Variants in ESD observed in about 807,000 individuals in gnomAD.
ESD encodes S-formylglutathione hydrolase.
A neutral mutation model predicts 38.1 loss-of-function variants in ESD; 34 were observed. That is an observed-to-expected ratio of 0.89 (90% CI 0.68 to 1.19). The LOEUF (loss-of-function observed/expected upper bound fraction) is 1.19. Ranked by LOEUF, ESD falls within the 50% of genes most tolerant of loss-of-function variation. The probability of loss-of-function intolerance (pLI) is 0.00; values close to 1 mark genes in which losing one functional copy is unlikely to be tolerated. For synonymous variants in ESD, 97 were observed against 107.0 expected (o/e 0.91, Z 0.58); for missense variants, 334 against 327.2 (o/e 1.02, Z -0.16).
chr13:46,780,817 T>G (rs527380405), intron 7 of ESD, among the ~76,000 whole-genome samples: 2 of 151,802 alleles, frequency 1.3e-5, no homozygotes, highest in South Asian at 4.1e-4. Context: ...AATAATCAAG[T>G]TCTTCCTAAG....
chr13:46,793,512 A>T (rs956426641), intron 1 of ESD, 68 bp from the exon 2 acceptor site: 14 of 152,584 alleles, frequency 9.2e-5, no homozygotes, highest in Non-Finnish European at 1.3e-4. Flanking sequence ...CAGAGCTTTT[A>T]TATGCATATG....
intron 7 of ESD, 135 bp from the exon 8 acceptor site, chr13:46,780,168 G>A: frequency 1.8e-6 from 1 of 551,028 alleles, no homozygotes; most frequent in Non-Finnish European, 3.1e-6. Flanking sequence ...TGAAAACCCT[G>A]TGAACAATTT....
Position 46,782,676 on chromosome 13 carries a change from G to A in ESD, c.372C>T (p.Val124=), listed in dbSNP as rs373644672. The change falls in exon 6 of 10, where the codon GTC becomes GTT. Residue 124 remains valine, a synonymous_variant. Transcript: ENST00000378720. The part of the protein sequence containing the change: ...WKTNYRMYSY[V]TEELPQLINA... Reference sequence around the variant, plus strand: ...ATACAAATTAAATTACCTCCTCTGTGACATAAGAGTACATTCTGTAGTTGG... The same window carrying A: ...ATACAAATTAAATTACCTCCTCTGTAACATAAGAGTACATTCTGTAGTTGG... 6.2e-7 allele frequency: 1 copy of A among 1,611,562 alleles called. No homozygotes were observed. The highest frequency in any genetic ancestry group is 1.3e-5 in the African/African-American group (1 of 74,706).
At chr13:46,780,079 T>C in intron 7 of ESD, 46 bp from the exon 8 acceptor site, 1 of 1,323,770 alleles carries the variant, frequency 7.6e-7, no homozygotes, top group South Asian at 1.3e-5. Flanking sequence ...TTTTGCTAAA[T>C]TAAATATGAA....
intron 8 of ESD, among the ~76,000 whole-genome samples, chr13:46,779,636 GA>G (rs1054339269): frequency 7.5e-5 from 11 of 147,116 alleles, no homozygotes; most frequent in Middle Eastern, 3.5e-3. Flanking sequence ...ACCATTAGTA[GA>G]AAAAAAATAT....
intron 6 of ESD, among the ~76,000 whole-genome samples, chr13:46,781,888 G>A (rs1392182488): frequency 6.6e-6 from 1 of 151,696 alleles, no homozygotes; most frequent in Non-Finnish European, 1.5e-5. Flanking sequence ...TTTTGACCTA[G>A]TAATTTCACT....
intron 3 of ESD, among the ~76,000 whole-genome samples, chr13:46,789,279 A>C (rs1283328830): frequency 6.6e-6 from 1 of 152,166 alleles, no homozygotes; most frequent in African/African-American, 2.4e-5. Flanking sequence ...TGGGAAATAC[A>C]CTTTGAGACC....
intron 6 of ESD, among the ~76,000 whole-genome samples, chr13:46,782,039 T>C (rs890628923): frequency 2.0e-5 from 3 of 151,778 alleles, no homozygotes; most frequent in Non-Finnish European, 4.4e-5. Flanking sequence ...TTATGGCATA[T>C]GACAGAATAT....
chr13:46,785,953 CTG>C (rs1224028970), intron 4 of ESD, among the ~76,000 whole-genome samples: 2 of 152,094 alleles, frequency 1.3e-5, no homozygotes, highest in East Asian at 3.9e-4. Flanking sequence ...CAGCTCTGGA[CTG>C]TGAGTCAGAA....
chr13:46,791,137 T>C (rs1256348914), intron 3 of ESD, among the ~76,000 whole-genome samples: 1 of 152,176 alleles, frequency 6.6e-6, no homozygotes, highest in African/African-American at 2.4e-5. Flanking sequence ...AGCTTGAAGA[T>C]ACTTCTCTGT....
In ESD at chr13:46,772,690, T is replaced by C. The variant is rs369761823; in HGVS notation, c.769-1194A>G. Among the ~76,000 whole-genome samples, 4 of 152,142 alleles carry C rather than the reference T, an allele frequency of 2.6e-5. No homozygotes were observed. The South Asian group carries it at 8.3e-4, about 32-fold the overall frequency. ...TGCTTATAAGTGAGAGCATGTGGTG[T>C]TTGGTCTTTTTTTTTTTTGAGACGG... On this transcript the variant is annotated intron_variant, in intron 9 of 9. Coordinates refer to ENST00000378720, the MANE Select transcript of ESD (RefSeq NM_001984.2).
intron 4 of ESD, 87 bp from the exon 5 acceptor site, chr13:46,784,437 C>T (rs927568260): frequency 3.1e-5 from 28 of 904,098 alleles, no homozygotes; most frequent in South Asian, 4.6e-5. Context: ...CAGGGGGAGA[C>T]GGAGACGGAC....
intron 3 of ESD, among the ~76,000 whole-genome samples, chr13:46,788,963 A>G (rs1440484475): frequency 2.0e-5 from 3 of 152,136 alleles, no homozygotes; most frequent in African/African-American, 7.2e-5. Context: ...TATTAATAAA[A>G]ATGTTCTATC....
intron 4 of ESD, among the ~76,000 whole-genome samples, chr13:46,785,367 G>A (rs1456266331): frequency 6.6e-6 from 1 of 151,984 alleles, no homozygotes; most frequent in Admixed American, 6.6e-5. Context: ...GAACATTCAT[G>A]TGCAAGTTTC....
chr13:46,772,378 A>G (rs1007576305), intron 9 of ESD, among the ~76,000 whole-genome samples: 8 of 152,180 alleles, frequency 5.3e-5, no homozygotes, highest in Non-Finnish European at 8.8e-5. Flanking sequence ...GAATATAAAA[A>G]ATAGTCTTCC....
chr13:46,785,682 G>T (rs1875168807), intron 4 of ESD: 1 of 151,832 alleles, frequency 6.6e-6, no homozygotes, highest in African/African-American at 2.4e-5. Context: ...AATTTCCAAG[G>T]TCTATCTGTT....
In ESD at chr13:46,782,783, T is replaced by C; in HGVS notation, c.265A>G (p.Asn89Asp). 1 of 1,612,012 alleles carries C rather than the reference T, an allele frequency of 6.2e-7. No individual in the cohort carries two copies. Among genetic ancestry groups the C allele is most frequent in the African/African-American group, 1.3e-5 (1 of 74,896 alleles). The part of the protein sequence containing the change: ...IAPDTSPRGC[N>D]IKGEDESWDF... ...CAGCTCTCATCTTCACCTTTAATAT[T>C]GCAGCCACCTATCAAGAAACAATCT... The change falls in exon 6 of 10, where the codon AAT becomes GAT. Residue 89 changes from asparagine to aspartate, a missense_variant. Coordinates refer to ENST00000378720, the MANE Select transcript of ESD (RefSeq NM_001984.2).
At chr13:46,784,512 C>T (rs541677585) in intron 4 of ESD, among the ~76,000 whole-genome samples, 162 bp from the exon 5 acceptor site, 2 of 151,942 alleles carry the variant, frequency 1.3e-5, no homozygotes, top group Admixed American at 6.6e-5. Context: ...CTTTCATACC[C>T]CAAACCTCCA....
At chr13:46,776,979 A>G (rs995969098) in intron 9 of ESD, 1 of 152,112 alleles carries the variant, frequency 6.6e-6, no homozygotes, top group Non-Finnish European at 1.5e-5. Flanking sequence ...TTATTCTTAA[A>G]CAACTAGAAA....
Sources: gnomAD v4.1 joint callset for allele counts (sites outside exome capture counted in the v4.1 genomes callset) on GRCh38, gnomAD v4.1.1 for gene constraint, MANE v1.5 for transcripts, NCBI Gene and HGNC (gene_info 2026-07-23, HGNC 2026-07-21) for gene names.